Variants in ACAP2 observed in about 807,000 individuals in gnomAD.
The protein encoded by ACAP2 is arf-GAP with coiled-coil, ANK repeat and PH domain-containing protein 2.
A neutral mutation model predicts 115.8 loss-of-function variants in ACAP2; 39 were observed. The ratio of observed to expected loss-of-function variants is 0.34; its 90% CI spans 0.26 to 0.44. The LOEUF (loss-of-function observed/expected upper bound fraction) is 0.44, where lower values mean the gene tolerates loss of function less well. Ranked by LOEUF, ACAP2 falls within the 20% of genes least tolerant of loss-of-function variation. ACAP2 has a pLI of 1.00. For synonymous variants in ACAP2, 289 were observed against 315.8 expected (o/e 0.92, Z 0.90); for missense variants, 662 against 927.6 (o/e 0.71, Z 3.72).
At chr3:195,301,530 T>G (rs1210040333) in intron 15 of ACAP2, 45 bp downstream of exon 15, 1 of 1,404,954 alleles carries the variant, frequency 7.1e-7, no homozygotes, top group South Asian at 1.2e-5. Context: ...AATCTTCACT[T>G]TCATGTGAAA....
chr3:195,372,902 A>G (rs4677834), intron 4 of ACAP2, among the ~76,000 whole-genome samples: 79,161 of 149,540 alleles, frequency 0.53, 22,246 homozygotes, highest in East Asian at 0.89. Flanking sequence ...AATAATAAAC[A>G]GCATGAACCC....
chr3:195,281,631 G>T (rs188255260), intron 22 of ACAP2, among the ~76,000 whole-genome samples: 1 of 152,156 alleles, frequency 6.6e-6, no homozygotes, highest in African/African-American at 2.4e-5. Flanking sequence ...AACTCATATT[G>T]ACATGACTAA....
At chr3:195,370,840 T>C (rs1269466695) in intron 4 of ACAP2, among the ~76,000 whole-genome samples, 1 of 151,646 alleles carries the variant, frequency 6.6e-6, no homozygotes, top group East Asian at 1.9e-4. Context: ...TAATCCCAGC[T>C]ACCTGGGAGG....
At chr3:195,421,409 G>A (rs1332402828) in intron 1 of ACAP2, among the ~76,000 whole-genome samples, 1 of 152,128 alleles carries the variant, frequency 6.6e-6, no homozygotes, top group Non-Finnish European at 1.5e-5. Flanking sequence ...AAAGTCATCC[G>A]TTATCTTTCT....
At chr3:195,396,458 A>G (rs1273456344) in intron 1 of ACAP2, among the ~76,000 whole-genome samples, 3 of 152,156 alleles carry the variant, frequency 2.0e-5, no homozygotes, top group Non-Finnish European at 4.4e-5. Flanking sequence ...GTGTAACATG[A>G]GCATTACATT....
intron 4 of ACAP2, among the ~76,000 whole-genome samples, chr3:195,352,851 C>A (rs56911559): frequency 0.02 from 3,108 of 152,122 alleles, 99 homozygotes; most frequent in African/African-American, 0.07. Context: ...GAGGCTGAGG[C>A]GGGCAGATCA....
chr3:195,387,466 A>G (rs1734380329), intron 2 of ACAP2, among the ~76,000 whole-genome samples: 1 of 152,220 alleles, frequency 6.6e-6, no homozygotes, highest in Admixed American at 6.5e-5. Flanking sequence ...ATAATAAGAA[A>G]TAATATAAGT....
chr3:195,390,835 C>A (rs1734621715), intron 2 of ACAP2, among the ~76,000 whole-genome samples: 1 of 152,066 alleles, frequency 6.6e-6, no homozygotes, highest in Non-Finnish European at 1.5e-5. Flanking sequence ...TGATTTATCT[C>A]CAGAAATTTA....
intron 1 of ACAP2, among the ~76,000 whole-genome samples, chr3:195,418,709 C>T (rs1199366931): frequency 1.3e-5 from 2 of 152,214 alleles, no homozygotes; most frequent in Non-Finnish European, 1.5e-5. Context: ...GGATTACAGG[C>T]ATGAGCCACC....
intron 8 of ACAP2, among the ~76,000 whole-genome samples, chr3:195,328,495 A>G (rs921447850): frequency 3.3e-5 from 5 of 152,178 alleles, no homozygotes; most frequent in African/African-American, 4.8e-5. Flanking sequence ...ATGCTACTCT[A>G]TGATCTAATA....
rs550419494 is a variant in ACAP2, at chr3:195,338,025, C to T, written c.529-1049G>A. Among the ~76,000 whole-genome samples, 37 of 152,262 alleles carry T rather than the reference C, an allele frequency of 2.4e-4. No homozygotes were observed. The South Asian group carries it at 7.0e-3, about 29-fold the overall frequency. On this transcript the variant is annotated intron_variant, in intron 6 of 22. Transcript: ENST00000326793. The stretch of plus-strand genomic sequence containing the variant: ...GTTCTGTGCACACGCCATGATGTTC[C>T]GCCCAGATGGGTATCAGGCTATCTC...
chr3:195,425,026 CAAAAAAA>C (rs10690317), intron 1 of ACAP2, among the ~76,000 whole-genome samples: 1,639 of 26,346 alleles, frequency 0.062, 6 homozygotes, highest in Middle Eastern at 0.18. Flanking sequence ...GACTCCGTCT[CAAAAAAA>C]AAAAAAAAAA....
At chr3:195,424,984 G>A (rs140433223) in intron 1 of ACAP2, among the ~76,000 whole-genome samples, 75 of 105,562 alleles carry the variant, frequency 7.1e-4, no homozygotes, top group African/African-American at 2.7e-3. Flanking sequence ...CTGAGATCGC[G>A]CCACTGCACT....
Position 195,326,939 on chromosome 3 carries a change from A to T in ACAP2, c.690T>A (p.Asp230Glu). ...CCATTTCTCTTTTCTCCTTTGCTGC[A>T]TCCACAACCAGTCGATCCAACTGTA... ...LGAQLDRLVV[D>E]AAKEKREMEQ... The change falls in exon 9 of 23, where the codon GAT (aspartate) becomes GAA (glutamate). Residue 230 changes from aspartate to glutamate, a missense_variant. Asp to Glu is a conservative substitution (Grantham distance 45). Around this residue, in one of 3 missense-constraint regions of ACAP2, gnomAD observed 401 missense variants for 604.4 expected, o/e 0.66. Coordinates refer to ENST00000326793, the MANE Select transcript of ACAP2 (RefSeq NM_012287.6). 1 of 1,613,994 alleles carries T rather than the reference A, an allele frequency of 6.2e-7. No individual in the cohort carries two copies.
intron 5 of ACAP2, among the ~76,000 whole-genome samples, chr3:195,343,847 T>G (rs1731027963): frequency 6.6e-6 from 1 of 152,190 alleles, no homozygotes; most frequent in African/African-American, 2.4e-5. Context: ...AAGAAAGACA[T>G]TCAACTCCTT....
At chr3:195,326,770 C>T (rs774836304) in intron 9 of ACAP2, 115 bp downstream of exon 9, 28 of 840,304 alleles carry the variant, frequency 3.3e-5, no homozygotes, top group Non-Finnish European at 5.1e-5. Context: ...AATTTATCTG[C>T]ACAATTATTA....
intron 5 of ACAP2, among the ~76,000 whole-genome samples, chr3:195,344,307 A>G (rs1731058811): frequency 6.6e-6 from 1 of 152,144 alleles, no homozygotes; most frequent in Non-Finnish European, 1.5e-5. Context: ...ACAGTGTACT[A>G]TCTTAATGAG....
Position 195,278,050 on chromosome 3 carries a change from C to T in ACAP2, c.*1278G>A, listed in dbSNP as rs909624008. 1 of 146,478 alleles carries T rather than the reference C, an allele frequency of 6.8e-6. No homozygotes were observed. The highest frequency in any genetic ancestry group is 2.5e-5 in the African/African-American group (1 of 39,416). The allele number at this position is 146,478 out of a possible 1,614,324, so 9.1% of individuals were successfully genotyped here. ...GAGCTGAGATCGTGCCACTGCACTC[C>T]AGCCTGGGTGACACAGCAAGACGCC... On this transcript the variant is annotated 3_prime_UTR_variant, in exon 23 of 23. Transcript: ENST00000326793.
intron 2 of ACAP2, 77 bp from the exon 3 acceptor site, chr3:195,382,099 C>G: frequency 7.3e-7 from 1 of 1,370,052 alleles, no homozygotes; most frequent in Non-Finnish European, 1.0e-6. Flanking sequence ...TTGGCAGTAA[C>G]TATATGAGGT....
Sources: allele counts gnomAD v4.1 joint callset (sites outside exome capture counted in the v4.1 genomes callset), GRCh38; gene constraint gnomAD v4.1.1; regional missense constraint gnomAD v4.1.1; transcripts MANE v1.5; gene names NCBI Gene and HGNC (gene_info 2026-07-23, HGNC 2026-07-21).